Variants in EYS observed in about 807,000 individuals in gnomAD.
EYS encodes the protein EGF-like photoreceptor maintenance factor.
In EYS, 250 loss-of-function variants were observed where a neutral mutation model predicts 282.1. The observed-to-expected ratio is 0.89, with a 90% CI of 0.80 to 0.98. The LOEUF is 0.98. Ranked by LOEUF, EYS falls within the 50% of genes least tolerant of loss-of-function variation. The pLI is 0.00. For synonymous variants in EYS, 1,355 were observed against 1,282.9 expected, an observed-to-expected ratio of 1.06 and a Z score of -1.20; for missense variants, 4,016 against 3,709.0, an observed-to-expected ratio of 1.08 and a Z score of -2.15.
intron 4 of EYS, among the ~76,000 whole-genome samples, chr6:65,494,111 A>G (rs771444823): frequency 5.2e-4 from 79 of 152,128 alleles, no homozygotes; most frequent in Non-Finnish European, 9.8e-4. Flanking sequence ...GTAAATATAG[A>G]TATTTCACTA....
intron 2 of EYS, among the ~76,000 whole-genome samples, chr6:65,621,522 G>A (rs1196299485): frequency 6.7e-6 from 1 of 149,970 alleles, no homozygotes; most frequent in Non-Finnish European, 1.5e-5. Flanking sequence ...GCCAGTCTGT[G>A]TCTTTTAATT....
intron 37 of EYS, among the ~76,000 whole-genome samples, chr6:63,794,450 A>C (rs1285712815): frequency 6.6e-6 from 1 of 152,232 alleles, no homozygotes; most frequent in Non-Finnish European, 1.5e-5. Flanking sequence ...CCAACTAAAA[A>C]ATTTTGGAGG....
intron 22 of EYS, among the ~76,000 whole-genome samples, chr6:64,783,097 C>G (rs1374060495): frequency 6.6e-6 from 1 of 152,176 alleles, no homozygotes; most frequent in East Asian, 1.9e-4. Context: ...ACCGTAGGCA[C>G]TACCCACCTA....
intron 5 of EYS, among the ~76,000 whole-genome samples, chr6:65,423,617 T>C (rs974496800): frequency 6.6e-6 from 1 of 151,950 alleles, no homozygotes; most frequent in African/African-American, 2.4e-5. Context: ...TATAAACCTC[T>C]GGCTTTTGCT....
intron 11 of EYS, among the ~76,000 whole-genome samples, chr6:65,301,122 G>T (rs916952322): frequency 6.6e-6 from 1 of 152,152 alleles, no homozygotes; most frequent in Non-Finnish European, 1.5e-5. Flanking sequence ...ACTTAGTTTG[G>T]TGGTTCTAGT....
intron 18 of EYS, among the ~76,000 whole-genome samples, chr6:64,896,550 T>G (rs370556839): frequency 0.57 from 86,269 of 150,230 alleles, 25,594 homozygotes; most frequent in Non-Finnish European, 0.64. Context: ...TTGTTGTTTT[T>G]TTTTTTTTTT....
intron 22 of EYS, among the ~76,000 whole-genome samples, chr6:64,641,914 C>A (rs888837103): frequency 9.2e-5 from 14 of 152,168 alleles, no homozygotes; most frequent in African/African-American, 3.1e-4. Flanking sequence ...TTTATCCCCA[C>A]ACAACTACTC....
At chr6:65,501,740 A>T (rs986216003) in intron 2 of EYS, among the ~76,000 whole-genome samples, 1 of 151,716 alleles carries the variant, frequency 6.6e-6, no homozygotes, top group Non-Finnish European at 1.5e-5. Flanking sequence ...AAGTATAGAG[A>T]TTATTGTTGA....
At chr6:64,481,030 T>G (rs151204551) in intron 26 of EYS, among the ~76,000 whole-genome samples, 1 of 151,500 alleles carries the variant, frequency 6.6e-6, no homozygotes, top group African/African-American at 2.4e-5. Flanking sequence ...TTCACAATTA[T>G]AGTTTTTGAA....
chr6:64,608,984 T>C (rs1767022167), intron 24 of EYS, among the ~76,000 whole-genome samples: 1 of 152,152 alleles, frequency 6.6e-6, no homozygotes, highest in African/African-American at 2.4e-5. Flanking sequence ...TTACATGTCA[T>C]TATGCATTTG....
At chr6:64,959,103 C>T (rs1240698991) in intron 14 of EYS, among the ~76,000 whole-genome samples, 1 of 151,998 alleles carries the variant, frequency 6.6e-6, no homozygotes, top group Non-Finnish European at 1.5e-5. Context: ...AATACTCAGT[C>T]GTAGTTGTGG....
At chr6:64,988,018 G>T (rs184887152) in intron 14 of EYS, among the ~76,000 whole-genome samples, 1 of 151,296 alleles carries the variant, frequency 6.6e-6, no homozygotes, top group Admixed American at 6.6e-5. Context: ...CAATCCCATT[G>T]GTCTCTTTTG....
chr6:64,895,042 T>C (rs1767410562), intron 18 of EYS, among the ~76,000 whole-genome samples: 1 of 152,156 alleles, frequency 6.6e-6, no homozygotes, highest in African/African-American at 2.4e-5. Context: ...AATTCTCTAT[T>C]CCTGTGGTAC....
In EYS at chr6:65,041,383, A is replaced by G. The variant is rs372046552; in HGVS notation, c.2137+16231T>C. Among the ~76,000 whole-genome samples, 64 of 151,730 alleles carry G rather than the reference A, an allele frequency of 4.2e-4. 1 individual carries two copies. In the East Asian group the frequency reaches 4.3e-3, roughly 10 times the overall value. ...TAAGATATGTCCTCATGATTTAAAAATATATTTATCTACCTGAGGGGTCTA... is the reference window on the plus strand; with the variant it reads ...TAAGATATGTCCTCATGATTTAAAAGTATATTTATCTACCTGAGGGGTCTA... On this transcript the variant is annotated intron_variant, in intron 13 of 42. Transcript: ENST00000503581.
At chr6:64,097,486 G>T (rs1326855369) in intron 31 of EYS, among the ~76,000 whole-genome samples, 2 of 152,130 alleles carry the variant, frequency 1.3e-5, no homozygotes, top group Non-Finnish European at 2.9e-5. Flanking sequence ...CTTCTACCTT[G>T]CAGTTTGATC....
chr6:65,493,295 C>G (rs1234609431), intron 4 of EYS, among the ~76,000 whole-genome samples: 1 of 152,128 alleles, frequency 6.6e-6, no homozygotes, highest in Non-Finnish European at 1.5e-5. Flanking sequence ...GAAGGAATCC[C>G]CCTAAAGCCT....
chr6:64,384,997 C>T (rs186530519), intron 29 of EYS, among the ~76,000 whole-genome samples: 118 of 152,194 alleles, frequency 7.8e-4, no homozygotes, highest in African/African-American at 2.8e-3. Flanking sequence ...CTTTTTGGCT[C>T]GAGGAATCAA....
chr6:64,622,471 C>T, intron 23 of EYS, among the ~76,000 whole-genome samples: 1 of 152,230 alleles, frequency 6.6e-6, no homozygotes, highest in Admixed American at 6.5e-5. Context: ...GTTTTGCAGA[C>T]TGTCTGGTGG....
chr6:64,247,212 T>C (rs1039643913), intron 30 of EYS, among the ~76,000 whole-genome samples: 1 of 152,178 alleles, frequency 6.6e-6, no homozygotes, highest in African/African-American at 2.4e-5. Flanking sequence ...ACTTATTACC[T>C]GGAAAGTGAA....
Sources: gnomAD v4.1 joint callset for allele counts (sites outside exome capture counted in the v4.1 genomes callset) on GRCh38, gnomAD v4.1.1 for gene constraint, MANE v1.5 for transcripts, NCBI Gene and HGNC (gene_info 2026-07-23, HGNC 2026-07-21) for gene names.